RNF213: variants seen among roughly 807,000 people sequenced by gnomAD.
RNF213 encodes the protein E3 ubiquitin-protein ligase RNF213.
RNF213 carries 341 observed loss-of-function variants against 514.4 expected under a neutral mutation model. The ratio of observed to expected loss-of-function variants is 0.66; its 90% confidence interval spans 0.61 to 0.73. RNF213 has a LOEUF of 0.73. Among genes scored for constraint, RNF213 ranks in the 30% least tolerant of loss-of-function variants. RNF213 has a pLI of 0.00. For missense variants in RNF213, 5,767 were observed against 6,615.6 expected, an observed-to-expected ratio of 0.87 and a Z score of 4.45; for synonymous variants, 2,655 against 2,658.2, an observed-to-expected ratio of 1.00 and a Z score of 0.04.
At chr17:80,271,993 A>G (rs1309732769) in intron 2 of RNF213, among the ~76,000 whole-genome samples, 1 of 149,874 alleles carries the variant, frequency 6.7e-6, no homozygotes, top group East Asian at 2.0e-4. Context: ...AAAGAAGAAA[A>G]AAGAAAAGAG....
intron 17 of RNF213, among the ~76,000 whole-genome samples, chr17:80,321,800 T>C (rs1243713042): frequency 1.3e-5 from 2 of 152,164 alleles, no homozygotes; most frequent in Non-Finnish European, 2.9e-5. Flanking sequence ...CTTGGCTCAC[T>C]GCGACACCTC....
chr17:80,353,798 C>A lies in RNF213; in HGVS notation c.10578+132C>A. 7.6e-7 allele frequency: 1 copy of A among 1,321,282 alleles called. No homozygotes were observed. The highest frequency in any genetic ancestry group is 1.2e-5 in the South Asian group (1 of 82,304). The allele number at this position is 1,321,282 out of a possible 1,614,324, so 81.8% of individuals were successfully genotyped here. A position where few individuals can be genotyped will look rare whatever the true frequency, so the allele number is the denominator to read the frequency against. ...AGGGGTGAGGATGGCGCCCCACTTT[C>A]CTCACACAGTGACGGTCTTGTTGCT... On this transcript the variant is annotated intron_variant, in intron 34 of 67. Transcript: ENST00000582970. This position sits in a 1 kb window ranked among gnomAD's most constrained non-coding sequence, Gnocchi z 5.0.
chr17:80,319,373 C>T, intron 17 of RNF213, 61 bp downstream of exon 17: 8 of 1,614,238 alleles, frequency 5.0e-6, no homozygotes, highest in Non-Finnish European at 6.8e-6. Context: ...TGCCATGACC[C>T]AGCTAAGGGC....
At position 80,346,862 on chromosome 17, in the gene RNF213, T is replaced by G. The variant is rs759257351; in HGVS notation, c.8527T>G (p.Leu2843Val). 11 of 1,613,940 alleles carry G rather than the reference T, an allele frequency of 6.8e-6. No individual in the cohort carries two copies. The highest frequency in any genetic ancestry group is 9.3e-6 in the Non-Finnish European group (11 of 1,179,926). The change falls in exon 29 of 68, where the codon TTA becomes GTA. Residue 2843 changes from leucine (L) to valine (V), a missense_variant. Leu to Val is a conservative substitution (Grantham distance 32). This residue lies in a region of RNF213 where 105 missense variants were observed against 183.9 expected (regional missense o/e 0.57). Transcript: ENST00000582970. The surrounding 1 kb of genome is among the most constrained non-coding windows in gnomAD (Gnocchi z 8.1). ...DLQQYVSVVV[L>V]DEVGLAEDSP... The stretch of plus-strand genomic sequence containing the variant: ...GCAGCAGTACGTCTCTGTGGTGGTG[T>G]TAGATGAGGTGGGGCTGGCGGAAGA...
In RNF213 at chr17:80,306,184, G is replaced by A. The variant is rs1043375291; in HGVS notation, c.2211-68G>A. ...GGACTGTTTCTGTCCCTCCAGCATT[G>A]GTTTCCTCCATTTTCCCTCACTGAT... On this transcript the variant is annotated intron_variant, in intron 11 of 67. Transcript: ENST00000582970. 1.2e-5 allele frequency: 17 copies of A among 1,439,466 alleles called. No homozygotes were observed. In the Admixed American group the frequency reaches 2.3e-4, roughly 20 times the overall value. The allele number at this position is 1,439,466 out of a possible 1,614,324, so 89.2% of individuals were successfully genotyped here. A position where few individuals can be genotyped will look rare whatever the true frequency, so the allele number is the denominator to read the frequency against.
intron 38 of RNF213, chr17:80,360,455 G>A (rs2079013455): frequency 1.9e-5 from 10 of 524,766 alleles, no homozygotes; most frequent in Non-Finnish European, 3.5e-5. Flanking sequence ...CTGTGAGATG[G>A]TTTTTAGTGC....
At chr17:80,334,349 T>C (rs961101793) in intron 22 of RNF213, 79 bp downstream of exon 22, 22 of 1,425,936 alleles carry the variant, frequency 1.5e-5, no homozygotes, top group Admixed American at 5.0e-5. Flanking sequence ...CCTAAACTCT[T>C]TGGCAATACC....
At chr17:80,265,206 C>T (rs1219615576) in intron 2 of RNF213, among the ~76,000 whole-genome samples, 1 of 152,048 alleles carries the variant, frequency 6.6e-6, no homozygotes, top group African/African-American at 2.4e-5. Flanking sequence ...ACCACCACTC[C>T]CGGCTAATTT....
At chr17:80,384,059 T>C (rs775175802) in intron 59 of RNF213, 131 bp downstream of exon 59, 1 of 1,147,548 alleles carries the variant, frequency 8.7e-7, no homozygotes. Flanking sequence ...TTGAATAGGA[T>C]GTAGCAGAAG....
At chr17:80,367,554 C>T (rs1362055997) in intron 42 of RNF213, among the ~76,000 whole-genome samples, 194 bp from the exon 43 acceptor site, 2 of 152,114 alleles carry the variant, frequency 1.3e-5, no homozygotes, top group African/African-American at 4.8e-5. Context: ...AATGTAGTCC[C>T]CTGACAAGCA....
chr17:80,391,822 G>C (rs1599227008), intron 67 of RNF213, among the ~76,000 whole-genome samples: 1 of 128,822 alleles, frequency 7.8e-6, no homozygotes. Context: ...CCAGGCTAGA[G>C]TGCAATGGTG....
intron 41 of RNF213, 114 bp from the exon 42 acceptor site, chr17:80,364,319 C>T (rs1176035935): frequency 8.2e-6 from 12 of 1,459,658 alleles, no homozygotes; most frequent in African/African-American, 4.2e-5. Context: ...TAATCCCAGC[C>T]GCTGGGCCTG....
chr17:80,359,999 T>G (rs1234649183), intron 37 of RNF213, 62 bp from the exon 38 acceptor site: 2 of 1,572,158 alleles, frequency 1.3e-6, no homozygotes, highest in Admixed American at 1.7e-5. Context: ...TGGCAGATCT[T>G]ATCTTGTGTT....
rs1233329021 is a variant in RNF213 at position 80,348,031 on chromosome 17, G to C, written c.9696G>C (p.Gln3232His). Residue 3232 changes from glutamine to histidine, a missense_variant, in exon 29 of 68, where the codon CAG becomes CAC. Physicochemically the swap from Gln to His is conservative, Grantham distance 24. This residue lies in a region of RNF213 where 919 missense variants were observed against 1,121.0 expected (regional missense o/e 0.82). Transcript: ENST00000582970. ...HSDACASVVLQVIERQGPRAL... is the reference protein window; with the variant it reads ...HSDACASVVLHVIERQGPRAL... ...ACGCCTGCGCGTCTGTGGTGCTGCA[G>C]GTCATAGAGAGGCAGGGTCCCCGGG... 1 of 1,614,222 alleles carries C rather than the reference G, an allele frequency of 6.2e-7. No individual in the cohort carries two copies.
Position 80,339,942 on chromosome 17 carries a change from T to TA in RNF213, c.5576dup (p.Tyr1859Ter). The TA allele has an allele frequency of 3.3e-6, 5 of 1,536,838 alleles. No homozygotes were observed. Among genetic ancestry groups the TA allele is most frequent in the Non-Finnish European group, 4.4e-6 (5 of 1,146,856 alleles). Reference protein sequence around the residue: ...MQTPSQPLPTYDEVLLCTPAT... With the variant: ...MQTPSQPLPT Reference sequence around the variant, plus strand: ...AACCCCAAGCCAGCCCCTGCCCACTTACGATGAGGTGCTGCTCTGCACCCC... The same window carrying TA: ...AACCCCAAGCCAGCCCCTGCCCACTTAACGATGAGGTGCTGCTCTGCACCCC... The change falls in exon 26 of 68, where the codon TAC (tyrosine) becomes TAAC (stop). Residue 1859 changes from tyrosine (Y) to a stop codon, truncating the protein, a stop_gained and frameshift_variant. Coordinates refer to ENST00000582970, the MANE Select transcript of RNF213 (RefSeq NM_001256071.3). LOFTEE classifies it high-confidence loss of function.
intron 42 of RNF213, among the ~76,000 whole-genome samples, chr17:80,366,197 G>A (rs985211265): frequency 6.6e-6 from 1 of 152,194 alleles, no homozygotes; most frequent in Non-Finnish European, 1.5e-5. Flanking sequence ...CGACGGAACT[G>A]CTGCAGGATG....
chr17:80,299,812 G>A (rs2045108020), intron 11 of RNF213, among the ~76,000 whole-genome samples: 1 of 152,140 alleles, frequency 6.6e-6, no homozygotes, highest in Non-Finnish European at 1.5e-5. Flanking sequence ...AGAACCTGCG[G>A]TATTTGGTTC....
At position 80,369,207 on chromosome 17, in the gene RNF213, T is replaced by G. The variant is rs569530337; in HGVS notation, c.12156-295T>G. Among the ~76,000 whole-genome samples the G allele has an allele frequency of 2.6e-5, 4 of 152,254 alleles. No individual in the cohort carries two copies. The South Asian group carries it at 8.3e-4, about 32-fold the overall frequency. ...TGAGGTCAGCAGTTCGAAACCAGCC[T>G]GGCCAACACGGTGAAACCCCATCTC... On this transcript the variant is annotated intron_variant, in intron 44 of 67. Transcript: ENST00000582970.
rs907967431 is a variant in RNF213, at chr17:80,264,709, G to C, written c.97+931G>C. Among the ~76,000 whole-genome samples the C allele has an allele frequency of 6.6e-6, 1 of 152,052 alleles. No individual in the cohort carries two copies. Among genetic ancestry groups the C allele is most frequent in the Non-Finnish European group, 1.5e-5 (1 of 68,018 alleles). On this transcript the variant is annotated intron_variant, in intron 2 of 67. Coordinates refer to ENST00000582970, the MANE Select transcript of RNF213 (RefSeq NM_001256071.3). This position sits in a 1 kb window ranked among gnomAD's most constrained non-coding sequence, Gnocchi z 5.0. ...TTCCTGCTTCCTGCTCAGCACAGCA[G>C]ACAGTCAAACCACAGACCCCCTTAC...
Sources: allele counts gnomAD v4.1 joint callset (sites outside exome capture counted in the v4.1 genomes callset), GRCh38; gene constraint gnomAD v4.1.1; regional missense constraint gnomAD v4.1.1; non-coding constraint Gnocchi (gnomAD v3.1); transcripts MANE v1.5; gene names NCBI Gene and HGNC (gene_info 2026-07-23, HGNC 2026-07-21).